The following PAM variants were observed in gnomAD, a reference collection of about 807,000 sequenced individuals.
PAM encodes peptidylglycine alpha-amidating monooxygenase.
Under a neutral mutation model 122.1 loss-of-function variants are expected in PAM, and 72 were observed. The ratio of observed to expected loss-of-function variants is 0.59; its 90% CI spans 0.49 to 0.72. PAM has a LOEUF of 0.72. Ranked by LOEUF, PAM falls within the 30% of genes least tolerant of loss-of-function variation. The pLI is 0.00. For synonymous variants in PAM, 389 were observed against 404.4 expected (o/e 0.96, Z 0.46); for missense variants, 1,106 against 1,183.7 (o/e 0.93, Z 0.96).
rs370701481 is a variant in PAM, at chr5:103,027,984, G to A, written c.2690-201G>A. Reference sequence around the variant, plus strand: ...AGACTGCACAGCCAGTAAGAGACACGGGCAGGAGTCAAACCCAGCTTGGGC... The same window carrying A: ...AGACTGCACAGCCAGTAAGAGACACAGGCAGGAGTCAAACCCAGCTTGGGC... On this transcript the variant is annotated intron_variant, in intron 24 of 25. Coordinates refer to ENST00000438793, the MANE Select transcript of PAM (RefSeq NM_001177306.2). 7.9e-5 allele frequency among the ~76,000 whole-genome samples: 12 copies of A among 152,236 alleles called. No individual in the cohort carries two copies. In the East Asian group the frequency reaches 9.7e-4, roughly 12 times the overall value.
chr5:103,028,815 T>C (rs1301026241), intron 25 of PAM, 72 bp from the exon 26 acceptor site: 1 of 974,854 alleles, frequency 1.0e-6, no homozygotes, highest in African/African-American at 2.2e-5. Context: ...GACTTTATCA[T>C]TTAAGAATTT....
chr5:102,869,362 T>C (rs1307375340), intron 3 of PAM, among the ~76,000 whole-genome samples: 2 of 151,658 alleles, frequency 1.3e-5, no homozygotes, highest in Non-Finnish European at 2.9e-5. Flanking sequence ...ACTAACACCA[T>C]AGAGGGCAAT....
chr5:102,902,369 A>G (rs1798223632), intron 4 of PAM, among the ~76,000 whole-genome samples: 1 of 151,622 alleles, frequency 6.6e-6, no homozygotes. Context: ...ATTGGTGGCA[A>G]TTACAACAGC....
At chr5:102,841,406 T>TAAACACAC (rs1554082071) in intron 1 of PAM, among the ~76,000 whole-genome samples, 3 of 138,538 alleles carry the variant, frequency 2.2e-5, no homozygotes, top group African/African-American at 7.9e-5. Context: ...CACCTACAAA[T>TAAACACAC]ACACACACAC....
intron 3 of PAM, among the ~76,000 whole-genome samples, chr5:102,889,583 A>G (rs1387952911): frequency 6.6e-6 from 1 of 151,734 alleles, no homozygotes; most frequent in Non-Finnish European, 1.5e-5. Flanking sequence ...TTTTTAATGG[A>G]ACATTGATAT....
At chr5:102,801,770 G>GTTTTTTTTTTTTT (rs1378058562) in intron 1 of PAM, among the ~76,000 whole-genome samples, 1 of 140,356 alleles carries the variant, frequency 7.1e-6, no homozygotes, top group Admixed American at 7.0e-5. Flanking sequence ...TAGGGAAAAG[G>GTTTTTTTTTTTTT]TATTTTTTTT....
intron 1 of PAM, among the ~76,000 whole-genome samples, chr5:102,842,926 A>G (rs2150593673): frequency 6.6e-6 from 1 of 152,332 alleles, no homozygotes; most frequent in East Asian, 1.9e-4. Flanking sequence ...ATCTAGAGAC[A>G]TTCTTATCCC....
chr5:102,914,011 G>C lies in PAM; in HGVS notation c.346G>C (p.Gly116Arg). 1 of 1,550,046 alleles carries C rather than the reference G, an allele frequency of 6.5e-7. No homozygotes were observed. The highest frequency in any genetic ancestry group is 8.9e-7 in the Non-Finnish European group (1 of 1,121,856). Residue 116 changes from glycine to arginine, a missense_variant, in exon 5 of 26, where the codon GGA (glycine) becomes CGA (arginine). Physicochemically the swap from Gly to Arg is moderately radical, Grantham distance 125. Coordinates refer to ENST00000438793, the MANE Select transcript of PAM (RefSeq NM_001177306.2). The part of the protein sequence containing the change: ...LFGCNMPSST[G>R]SYWFCDEGTC... ...TGGATGCAATATGCCTTCATCCACT[G>C]GAAGTTACTGGTAAGGATAATGGGT...
At chr5:102,832,061 T>C (rs1775635576) in intron 1 of PAM, among the ~76,000 whole-genome samples, 1 of 152,190 alleles carries the variant, frequency 6.6e-6, no homozygotes, top group African/African-American at 2.4e-5. Context: ...TTCATTATAC[T>C]GTGCAGTGGT....
At chr5:102,977,134 G>A (rs1382920174) in intron 15 of PAM, among the ~76,000 whole-genome samples, 1 of 152,156 alleles carries the variant, frequency 6.6e-6, no homozygotes, top group Non-Finnish European at 1.5e-5. Context: ...GTTCAAAGGT[G>A]AAATTAATAG....
chr5:103,009,130 A>G lies in PAM; in HGVS notation c.2216-621A>G, dbSNP rs143933421. Among the ~76,000 whole-genome samples, 757 of 152,276 alleles carry G rather than the reference A, an allele frequency of 5.0e-3. 7 individuals carry two copies. Among genetic ancestry groups the G allele is most frequent in the African/African-American group, 0.018 (741 of 41,578 alleles). ...CATCACCATTTTCATTGTTCTGAAT[A>G]AACAGTATTGTGTTAAGAAATATAA... On this transcript the variant is annotated intron_variant, in intron 20 of 25. Transcript: ENST00000438793.
chr5:102,755,911 T>G (rs1286367667), intron 1 of PAM, among the ~76,000 whole-genome samples: 1 of 151,942 alleles, frequency 6.6e-6, no homozygotes, highest in Non-Finnish European at 1.5e-5. Context: ...CCAGCTTTGC[T>G]CTCTTCCTGC....
At chr5:102,951,086 A>G (rs1758720282) in intron 12 of PAM, among the ~76,000 whole-genome samples, 1 of 152,064 alleles carries the variant, frequency 6.6e-6, no homozygotes, top group Admixed American at 6.6e-5. Context: ...AAGACTTCAT[A>G]TTACTTTCTG....
At chr5:102,862,956 T>C (rs1399289403) in intron 1 of PAM, among the ~76,000 whole-genome samples, 1 of 152,134 alleles carries the variant, frequency 6.6e-6, no homozygotes, top group African/African-American at 2.4e-5. Context: ...ATATATTTAT[T>C]TGGCTCTTTG....
chr5:103,027,691 C>A (rs1383285876), intron 24 of PAM, among the ~76,000 whole-genome samples: 2 of 152,088 alleles, frequency 1.3e-5, no homozygotes, highest in Non-Finnish European at 2.9e-5. Flanking sequence ...CTTTCTCAAG[C>A]AAGATACGTA....
At chr5:102,816,637 A>T (rs1769902449) in intron 1 of PAM, among the ~76,000 whole-genome samples, 1 of 151,886 alleles carries the variant, frequency 6.6e-6, no homozygotes, top group South Asian at 2.1e-4. Context: ...GTTTTTCTGT[A>T]CTCCAAAAAG....
chr5:103,025,496 C>G (rs1784709263), intron 24 of PAM, 162 bp downstream of exon 24: 1 of 665,290 alleles, frequency 1.5e-6, no homozygotes, highest in Non-Finnish European at 2.7e-6. Flanking sequence ...CAAATATTGC[C>G]CCTAGTTAAT....
At chr5:102,849,555 CAAAAA>C (rs538988180) in intron 1 of PAM, among the ~76,000 whole-genome samples, 2 of 73,524 alleles carry the variant, frequency 2.7e-5, no homozygotes, top group East Asian at 4.1e-4. Context: ...AAGACTGTCT[CAAAAA>C]AAAAAAAAAA....
chr5:102,829,718 AT>A (rs1251408836), intron 1 of PAM, among the ~76,000 whole-genome samples: 4 of 152,312 alleles, frequency 2.6e-5, no homozygotes, highest in Non-Finnish European at 4.4e-5. Flanking sequence ...TTTGTGAGAA[AT>A]AATTCTGAAA....
Sources: gnomAD v4.1 joint callset for allele counts (sites outside exome capture counted in the v4.1 genomes callset) on GRCh38, gnomAD v4.1.1 for gene constraint, MANE v1.5 for transcripts, NCBI Gene and HGNC (gene_info 2026-07-23, HGNC 2026-07-21) for gene names.